Variants in GMDS observed in about 807,000 individuals in gnomAD.
GMDS encodes the protein GDP-mannose 4,6 dehydratase.
GMDS carries 20 observed loss-of-function variants against 49.9 expected under a neutral mutation model. That is an observed-to-expected ratio of 0.40 (90% CI 0.28 to 0.58). The LOEUF is 0.58. GMDS is among the 20% of genes least tolerant of loss of function. GMDS has a pLI of 0.42. For missense variants in GMDS, 362 were observed against 481.4 expected, an observed-to-expected ratio of 0.75 and a Z score of 2.32; for synonymous variants, 177 against 178.6, an observed-to-expected ratio of 0.99 and a Z score of 0.07.
chr6:2,113,813 C>A (rs147349222), intron 4 of GMDS, among the ~76,000 whole-genome samples: 17 of 152,248 alleles, frequency 1.1e-4, no homozygotes, highest in Admixed American at 9.8e-4. Flanking sequence ...ATGAGGTATG[C>A]ACTCAACAAA....
intron 9 of GMDS, among the ~76,000 whole-genome samples, chr6:1,703,315 T>C (rs919184593): frequency 1.3e-5 from 2 of 152,128 alleles, no homozygotes; most frequent in Non-Finnish European, 2.9e-5. Flanking sequence ...TTTTAACTGA[T>C]AGTTTGTAAA....
intron 4 of GMDS, among the ~76,000 whole-genome samples, chr6:2,074,691 G>A (rs2127462046): frequency 6.6e-6 from 1 of 152,190 alleles, no homozygotes. Context: ...TTTAACAAAG[G>A]TAGGGTCTCA....
chr6:2,181,174 CAAAAAAA>C (rs755377915), intron 1 of GMDS, among the ~76,000 whole-genome samples: 2 of 51,324 alleles, frequency 3.9e-5, no homozygotes, highest in South Asian at 6.0e-4. Flanking sequence ...GACTCCATCT[CAAAAAAA>C]AAAAAAAAAA....
chr6:1,803,118 C>A (rs1770014882), intron 7 of GMDS, among the ~76,000 whole-genome samples: 1 of 152,172 alleles, frequency 6.6e-6, no homozygotes, highest in African/African-American at 2.4e-5. Flanking sequence ...CTCATGCAGG[C>A]AGCCGACATA....
At chr6:1,942,644 T>C (rs1391649778) in intron 6 of GMDS, among the ~76,000 whole-genome samples, 2 of 152,084 alleles carry the variant, frequency 1.3e-5, no homozygotes, top group East Asian at 1.9e-4. Context: ...AAAACTGGAC[T>C]GAAAAGATGA....
chr6:1,894,526 TTA>T (rs1371813453), intron 7 of GMDS, among the ~76,000 whole-genome samples: 3 of 152,326 alleles, frequency 2.0e-5, no homozygotes, highest in Non-Finnish European at 2.9e-5. Context: ...TAAATGCTGT[TTA>T]GTGCTTTCTT....
chr6:1,699,570 C>T (rs924742766), intron 9 of GMDS, among the ~76,000 whole-genome samples: 1 of 152,150 alleles, frequency 6.6e-6, no homozygotes, highest in African/African-American at 2.4e-5. Context: ...TCTAGAGGCG[C>T]CTACACCCCT....
chr6:1,828,393 T>A (rs904665717), intron 7 of GMDS, among the ~76,000 whole-genome samples: 1 of 152,086 alleles, frequency 6.6e-6, no homozygotes, highest in African/African-American at 2.4e-5. Flanking sequence ...GAAGTAATGG[T>A]TGATAACTTC....
intron 4 of GMDS, among the ~76,000 whole-genome samples, chr6:2,054,857 A>T (rs1581580640): frequency 6.6e-6 from 1 of 152,140 alleles, no homozygotes; most frequent in Non-Finnish European, 1.5e-5. Context: ...AAGAAAATCA[A>T]TGAAGACTGA....
At chr6:2,220,995 A>G (rs548145064) in intron 1 of GMDS, among the ~76,000 whole-genome samples, 13 of 152,278 alleles carry the variant, frequency 8.5e-5, no homozygotes, top group Non-Finnish European at 1.5e-4. Context: ...TGGGGAATAC[A>G]GCAAGACCCC....
Position 2,245,588 on chromosome 6 carries a change from G to A in GMDS, c.-166C>T, listed in dbSNP as rs896416204. On this transcript the variant is annotated 5_prime_UTR_variant, in exon 1 of 11. Transcript: ENST00000380815. ...CCGCCACAGTCTGACAGGGGCGCAC[G>A]GGAGGCCGTGCAGGGAGGGCCGGGG... 3 of 397,460 alleles carry A rather than the reference G, an allele frequency of 7.5e-6. No individual in the cohort carries two copies. Among genetic ancestry groups the A allele is most frequent in the African/African-American group, 2.1e-5 (1 of 47,144 alleles). 24.6% of individuals were successfully genotyped at this position (397,460 alleles called of 1,614,324 possible).
chr6:1,821,057 T>G (rs1770866254), intron 7 of GMDS, among the ~76,000 whole-genome samples: 1 of 152,214 alleles, frequency 6.6e-6, no homozygotes, highest in African/African-American at 2.4e-5. Context: ...GTGTCTTGTA[T>G]ACATGGACTC....
intron 7 of GMDS, among the ~76,000 whole-genome samples, chr6:1,829,008 T>C (rs185904642): frequency 1.1e-4 from 16 of 152,342 alleles, no homozygotes; most frequent in African/African-American, 3.8e-4. Context: ...ATTCTTACAA[T>C]GAAGAAAGCT....
At chr6:2,220,641 TA>T (rs2127589407) in intron 1 of GMDS, among the ~76,000 whole-genome samples, 1 of 152,260 alleles carries the variant, frequency 6.6e-6, no homozygotes, top group East Asian at 1.9e-4. Context: ...ATGTGTTGTA[TA>T]AAATTACCTT....
At chr6:1,808,365 A>G (rs1458370373) in intron 7 of GMDS, among the ~76,000 whole-genome samples, 1 of 152,158 alleles carries the variant, frequency 6.6e-6, no homozygotes, top group African/African-American at 2.4e-5. Flanking sequence ...TCTCATTTTT[A>G]TTATTGCCAC....
At chr6:1,887,954 T>C (rs1451231243) in intron 7 of GMDS, among the ~76,000 whole-genome samples, 2 of 151,980 alleles carry the variant, frequency 1.3e-5, no homozygotes, top group African/African-American at 2.4e-5. Flanking sequence ...TTTTTTTGTT[T>C]TGTTTTGTTT....
chr6:1,624,318 C>G, intron 10 of GMDS, 87 bp from the exon 11 acceptor site: 1 of 1,331,644 alleles, frequency 7.5e-7, no homozygotes, highest in East Asian at 2.4e-5. Flanking sequence ...CCAGAGAGGC[C>G]TCCGCGTCCC....
intron 4 of GMDS, among the ~76,000 whole-genome samples, chr6:2,082,645 T>C (rs1772782094): frequency 6.6e-6 from 1 of 152,202 alleles, no homozygotes; most frequent in African/African-American, 2.4e-5. Context: ...TTTTTCAAAC[T>C]GAAAGTAATG....
In GMDS at chr6:2,218,170, T is replaced by G. The variant is rs574061743; in HGVS notation, c.102+27151A>C. 2.6e-5 allele frequency among the ~76,000 whole-genome samples: 4 copies of G among 152,286 alleles called. No homozygotes were observed. In the East Asian group the frequency reaches 5.8e-4, roughly 22 times the overall value. The stretch of plus-strand genomic sequence containing the variant: ...CCATTTTCTCACTTACTCCCCTTTT[T>G]GTAACATATGCAGAGTTGGAGCGAA... On this transcript the variant is annotated intron_variant, in intron 1 of 10. Coordinates refer to ENST00000380815, the MANE Select transcript of GMDS (RefSeq NM_001500.4).
Sources: gnomAD v4.1 joint callset for allele counts (sites outside exome capture counted in the v4.1 genomes callset) on GRCh38, gnomAD v4.1.1 for gene constraint, MANE v1.5 for transcripts, NCBI Gene and HGNC (gene_info 2026-07-23, HGNC 2026-07-21) for gene names.